The following CFI variants were observed in gnomAD, a reference collection of about 807,000 sequenced individuals.
The protein encoded by CFI is C3B/C4B inactivator.
A neutral mutation model predicts 78.8 loss-of-function variants in CFI; 66 were observed. That is an observed-to-expected ratio of 0.84 (90% CI 0.69 to 1.03). The LOEUF is 1.03. CFI is among the 50% of genes least tolerant of loss of function. The pLI, the probability that CFI is intolerant of heterozygous loss-of-function variation, is 0.00. For missense variants in CFI, 706 were observed against 704.5 expected (o/e 1.00, Z -0.02); for synonymous variants, 250 against 232.6 (o/e 1.07, Z -0.68).
In CFI at chr4:109,759,343, C is replaced by T. The variant is rs143958296; in HGVS notation, c.883+927G>A. ...TGATGAATAAAGAAGACTTTAAAAA[C>T]GTAATAACCAAACAGAACATTCAGA... is the stretch of plus-strand genomic sequence containing the variant. On this transcript the variant is annotated intron_variant, in intron 6 of 12. Transcript: ENST00000394634. Among the ~76,000 whole-genome samples the T allele has an allele frequency of 5.2e-3, 796 of 151,664 alleles. 1 individual carries two copies. Among genetic ancestry groups the T allele is most frequent in the Non-Finnish European group, 8.7e-3 (593 of 67,934 alleles).
the CFI span, among the ~76,000 whole-genome samples, chr4:109,731,675 A>T: frequency 6.6e-6 from 1 of 152,100 alleles, no homozygotes; most frequent in Non-Finnish European, 1.5e-5. Flanking sequence ...CCTGCACTTC[A>T]CTCAGCCCCT....
chr4:109,739,706 T>G (rs541297706), downstream of CFI, among the ~76,000 whole-genome samples: 1 of 152,234 alleles, frequency 6.6e-6, no homozygotes, highest in African/African-American at 2.4e-5. Context: ...AGATCCAGAT[T>G]TGTGAGTCAC....
chr4:109,745,127 A>T (rs1724253993), intron 11 of CFI, among the ~76,000 whole-genome samples: 1 of 152,212 alleles, frequency 6.6e-6, no homozygotes, highest in Admixed American at 6.5e-5. Flanking sequence ...ATCAAAGAGA[A>T]TTTAAGATGT....
At chr4:109,753,663 T>TTTTATATTATATATTATCTAAC (rs1725682205) in intron 7 of CFI, among the ~76,000 whole-genome samples, 2 of 104,008 alleles carry the variant, frequency 1.9e-5, no homozygotes, top group African/African-American at 8.5e-5. Flanking sequence ...TATTATATAA[T>TTTTATATTATATATTATCTAAC]GTATAATTTT....
At chr4:109,767,892 T>A (rs1443044103) in intron 1 of CFI, among the ~76,000 whole-genome samples, 1 of 152,072 alleles carries the variant, frequency 6.6e-6, no homozygotes, top group Non-Finnish European at 1.5e-5. Context: ...CAAATGTCCA[T>A]CAATGATAGA....
rs371860289 is a variant in CFI at position 109,751,039 on chromosome 4, A to T, written c.940+1429T>A. On this transcript the variant is annotated intron_variant, in intron 8 of 12. Coordinates refer to ENST00000394634, the MANE Select transcript of CFI (RefSeq NM_000204.5). ...GAGTCGGGAGAGAACTAGCACAAGG[A>T]TCCACCATCTTGTCTCACTGTTGTC... Among the ~76,000 whole-genome samples the T allele has an allele frequency of 3.2e-4, 48 of 152,300 alleles. No homozygotes were observed. The East Asian group carries it at 8.5e-3, about 27-fold the overall frequency.
the CFI span, among the ~76,000 whole-genome samples, chr4:109,735,109 G>A: frequency 3.3e-5 from 5 of 152,222 alleles, no homozygotes; most frequent in African/African-American, 1.2e-4. Flanking sequence ...ACACAACTGT[G>A]ACTGGCTAAT....
downstream of CFI, among the ~76,000 whole-genome samples, chr4:109,736,493 C>A (rs917989120): frequency 2.0e-5 from 3 of 151,904 alleles, no homozygotes; most frequent in African/African-American, 7.3e-5. Context: ...AGCTTTCAAG[C>A]TGGGACAAAG....
intron 1 of CFI, among the ~76,000 whole-genome samples, chr4:109,797,978 A>G (rs1254800668): frequency 6.6e-6 from 1 of 152,210 alleles, no homozygotes; most frequent in Non-Finnish European, 1.5e-5. Flanking sequence ...TGGTATATAC[A>G]TGCAATGAAA....
At chr4:109,797,313 A>G (rs895277652) in intron 1 of CFI, among the ~76,000 whole-genome samples, 13 of 152,236 alleles carry the variant, frequency 8.5e-5, no homozygotes, top group African/African-American at 3.1e-4. Flanking sequence ...GGAGCCAAGA[A>G]TATATAATGG....
At chr4:109,764,349 T>C (rs1041248608) in intron 3 of CFI, 188 bp downstream of exon 3, 46 of 659,502 alleles carry the variant, frequency 7.0e-5, no homozygotes, top group Non-Finnish European at 1.2e-4. Flanking sequence ...CCATGCTTTG[T>C]TGTCAGCAGG....
chr4:109,801,944 A>G lies in CFI; in HGVS notation c.28T>C (p.Phe10Leu), dbSNP rs1484611312. 1 of 1,612,700 alleles carries G rather than the reference A, an allele frequency of 6.2e-7. No individual in the cohort carries two copies. Among genetic ancestry groups the G allele is most frequent in the East Asian group, 2.2e-5 (1 of 44,848 alleles). Reference sequence around the variant, plus strand: ...CAAAACCTTAAGTGGAAGCACAGAAATAACAGGAAAACATGAAGAAGCTTC... The same window carrying G: ...CAAAACCTTAAGTGGAAGCACAGAAGTAACAGGAAAACATGAAGAAGCTTC... MKLLHVFLLFLCFHLRFCKV... is the reference protein window; with the variant it reads MKLLHVFLLLLCFHLRFCKV... Residue 10 changes from phenylalanine (F) to leucine (L), a missense_variant, in exon 1 of 13, where the codon TTT (phenylalanine) becomes CTT (leucine). Transcript: ENST00000394634.
chr4:109,731,641 G>C, the CFI span, among the ~76,000 whole-genome samples: 1 of 152,292 alleles, frequency 6.6e-6, no homozygotes, highest in South Asian at 2.1e-4. Context: ...CCCAACAAAC[G>C]GTGTAGCTCC....
chr4:109,746,597 CT>C, intron 10 of CFI, 95 bp from the exon 11 acceptor site: 1 of 1,075,690 alleles, frequency 9.3e-7, no homozygotes, highest in Non-Finnish European at 1.3e-6. Flanking sequence ...TTTTAAAAAC[CT>C]TTTTCATTTC....
At chr4:109,752,977 A>ACAT in intron 7 of CFI, among the ~76,000 whole-genome samples, 1 of 106,860 alleles carries the variant, frequency 9.4e-6, no homozygotes, top group East Asian at 2.3e-4. Flanking sequence ...TATTTATTAT[A>ACAT]TGAATAAATA....
downstream of CFI, among the ~76,000 whole-genome samples, chr4:109,740,022 G>C (rs910449983): frequency 5.3e-5 from 8 of 152,192 alleles, no homozygotes; most frequent in Non-Finnish European, 1.2e-4. Context: ...GGCCTGGTGT[G>C]GTGGCTCACG....
At chr4:109,765,235 A>G (rs1437179682) in intron 2 of CFI, among the ~76,000 whole-genome samples, 1 of 152,168 alleles carries the variant, frequency 6.6e-6, no homozygotes, top group Non-Finnish European at 1.5e-5. Flanking sequence ...TTTCCACAGT[A>G]TCTCAACATC....
Position 109,761,522 on chromosome 4 carries a change from T to C in CFI, c.653A>G (p.Lys218Arg). The part of the protein sequence containing the change: ...DFADVVCYTQ[K>R]ADSPMDDFFQ... ...CAGGCAAATACTCCACCAACCTGCT[T>C]TCTGTGTATAACAAACCACATCAGC... Residue 218 changes from lysine (K) to arginine (R), a missense_variant, in exon 4 of 13, where the codon AAA (lysine) becomes AGA (arginine). By Grantham distance (26) the Lys-to-Arg change is conservative. Transcript: ENST00000394634. The C allele has an allele frequency of 1.2e-6, 2 of 1,614,124 alleles. No individual in the cohort carries two copies. The highest frequency in any genetic ancestry group is 1.7e-6 in the Non-Finnish European group (2 of 1,179,986).
chr4:109,794,752 C>T (rs1400564531), intron 1 of CFI, among the ~76,000 whole-genome samples: 7 of 152,132 alleles, frequency 4.6e-5, no homozygotes, highest in Non-Finnish European at 8.8e-5. Flanking sequence ...AAGATTGTGC[C>T]ACTGCACTCC....
Sources: allele counts gnomAD v4.1 joint callset (sites outside exome capture counted in the v4.1 genomes callset), GRCh38; gene constraint gnomAD v4.1.1; transcripts MANE v1.5; gene names NCBI Gene and HGNC (gene_info 2026-07-23, HGNC 2026-07-21).